The following AMBRA1 variants were observed in gnomAD, a reference collection of about 807,000 sequenced individuals.
AMBRA1 encodes autophagy and beclin 1 regulator 1, also known as activating molecule in BECN1-regulated autophagy protein 1.
A neutral mutation model predicts 125.4 loss-of-function variants in AMBRA1; 47 were observed. That is an observed-to-expected ratio of 0.37 (90% confidence interval 0.30 to 0.48). AMBRA1 has a LOEUF of 0.48. Ranked by LOEUF, AMBRA1 falls within the 20% of genes least tolerant of loss-of-function variation. The pLI is 0.99. For synonymous variants in AMBRA1, 626 were observed against 655.5 expected (o/e 0.95, Z 0.69); for missense variants, 1,331 against 1,693.4 (o/e 0.79, Z 3.76).
At chr11:46,441,127 A>C (rs1301303263) in intron 12 of AMBRA1, among the ~76,000 whole-genome samples, 1 of 152,242 alleles carries the variant, frequency 6.6e-6, no homozygotes, top group Non-Finnish European at 1.5e-5. Flanking sequence ...GGACTAAAAC[A>C]AAGTTCAAAT....
intron 16 of AMBRA1, among the ~76,000 whole-genome samples, chr11:46,409,992 C>G (rs536297660): frequency 6.6e-5 from 10 of 152,310 alleles, no homozygotes; most frequent in African/African-American, 2.4e-4. Context: ...CTTCTCCAGG[C>G]CCTATCTTCT....
chr11:46,568,832 A>C (rs1354823035), intron 1 of AMBRA1, among the ~76,000 whole-genome samples: 1 of 124,166 alleles, frequency 8.1e-6, no homozygotes, highest in Non-Finnish European at 1.6e-5. Context: ...TTTTTGAGAC[A>C]GTCTTGTTCT....
chr11:46,496,199 C>A (rs1162230473), intron 9 of AMBRA1, among the ~76,000 whole-genome samples: 1 of 151,736 alleles, frequency 6.6e-6, no homozygotes, highest in Non-Finnish European at 1.5e-5. Context: ...CGTGGTGAAA[C>A]CCTGTCTCTA....
rs199600009 is a variant in AMBRA1 at position 46,568,183 on chromosome 11, C to T, written c.-120-19683G>A. 4.0e-5 allele frequency among the ~76,000 whole-genome samples: 6 copies of T among 151,654 alleles called. No individual in the cohort carries two copies. The East Asian group carries it at 1.2e-3, about 30-fold the overall frequency. On this transcript the variant is annotated intron_variant, in intron 1 of 17. Coordinates refer to ENST00000683756, the MANE Select transcript of AMBRA1 (RefSeq NM_001387011.1). The stretch of plus-strand genomic sequence containing the variant: ...AATAAAATAAAATCCAGCTGGATGC[C>T]GCAGTGGCACACACCTGTAATCCCA...
At chr11:46,530,492 T>C (rs1190188384) in intron 7 of AMBRA1, 1 of 152,250 alleles carries the variant, frequency 6.6e-6, no homozygotes, top group African/African-American at 2.4e-5. Context: ...TGGAGAACCT[T>C]GCTTCAGGCC....
At chr11:46,534,129 T>C (rs1048740312) in intron 7 of AMBRA1, among the ~76,000 whole-genome samples, 1 of 148,160 alleles carries the variant, frequency 6.7e-6, no homozygotes, top group Admixed American at 6.9e-5. Context: ...CTGTCTGGCA[T>C]ACTAGATATC....
chr11:46,422,534 A>G (rs1280152246), intron 14 of AMBRA1, among the ~76,000 whole-genome samples: 1 of 152,126 alleles, frequency 6.6e-6, no homozygotes, highest in Non-Finnish European at 1.5e-5. Flanking sequence ...TCAGATCAAA[A>G]CTAAAAGTGT....
intron 1 of AMBRA1, among the ~76,000 whole-genome samples, chr11:46,582,634 G>A (rs191510613): frequency 6.6e-6 from 1 of 152,236 alleles, no homozygotes; most frequent in East Asian, 1.9e-4. Context: ...CGCGAATCCT[G>A]GTTCTGCCAT....
chr11:46,523,693 A>T (rs1362496125), intron 7 of AMBRA1, among the ~76,000 whole-genome samples: 1 of 152,224 alleles, frequency 6.6e-6, no homozygotes, highest in African/African-American at 2.4e-5. Flanking sequence ...CTTTACCCAG[A>T]TGCGCTTTAT....
At chr11:46,410,920 G>A (rs1306760196) in intron 15 of AMBRA1, among the ~76,000 whole-genome samples, 1 of 152,158 alleles carries the variant, frequency 6.6e-6, no homozygotes, top group African/African-American at 2.4e-5. Flanking sequence ...GGCCAACATT[G>A]TGAAACCCTG....
At chr11:46,507,478 CAAAAAAA>C (rs778680920) in intron 9 of AMBRA1, among the ~76,000 whole-genome samples, 2 of 91,112 alleles carry the variant, frequency 2.2e-5, no homozygotes, top group African/African-American at 4.4e-5. Context: ...GACTCCGTCT[CAAAAAAA>C]AAAAAAAAAA....
rs144087679 is a variant in AMBRA1, at chr11:46,398,064, C to T, written c.3404-121G>A. 702 of 1,305,342 alleles carry T rather than the reference C, an allele frequency of 5.4e-4. 5 individuals carry two copies. The African/African-American group carries it at 9.4e-3, about 17-fold the overall frequency. 80.9% of individuals were successfully genotyped at this position (1,305,342 alleles called of 1,614,324 possible). On this transcript the variant is annotated intron_variant, in intron 17 of 17. Coordinates refer to ENST00000683756, the MANE Select transcript of AMBRA1 (RefSeq NM_001387011.1). Reference sequence around the variant, plus strand: ...ACTAAACGCAGGATAGAGAAAGACTCGCTCCATCACTGTGAAAACCAATCC... The same window carrying T: ...ACTAAACGCAGGATAGAGAAAGACTTGCTCCATCACTGTGAAAACCAATCC...
At chr11:46,553,162 C>T (rs914532015) in intron 1 of AMBRA1, among the ~76,000 whole-genome samples, 5 of 151,882 alleles carry the variant, frequency 3.3e-5, no homozygotes, top group South Asian at 2.1e-4. Context: ...AGGCTGGTCT[C>T]GAACTCCTGA....
At chr11:46,532,921 C>T (rs1157734853) in intron 7 of AMBRA1, among the ~76,000 whole-genome samples, 1 of 152,140 alleles carries the variant, frequency 6.6e-6, no homozygotes, top group Non-Finnish European at 1.5e-5. Flanking sequence ...CTTCTAAAAA[C>T]ACTTAAGTAC....
chr11:46,565,755 C>T (rs886751516), intron 1 of AMBRA1, among the ~76,000 whole-genome samples: 1 of 151,926 alleles, frequency 6.6e-6, no homozygotes, highest in East Asian at 1.9e-4. Flanking sequence ...TCATAGTAGC[C>T]AAAAAATTTA....
chr11:46,550,039 G>C (rs2042943698), intron 1 of AMBRA1, among the ~76,000 whole-genome samples: 1 of 152,088 alleles, frequency 6.6e-6, no homozygotes, highest in African/African-American at 2.4e-5. Context: ...GGCTGGTCTT[G>C]AACTCCTGAC....
intron 11 of AMBRA1, among the ~76,000 whole-genome samples, chr11:46,490,677 G>C (rs146188250): frequency 5.3e-5 from 8 of 152,226 alleles, no homozygotes; most frequent in Non-Finnish European, 8.8e-5. Context: ...AAATTTCCAA[G>C]CTTCATCCCT....
rs1947236857 is a variant in AMBRA1, at chr11:46,427,998, G to T, written c.2976+5476C>A. The stretch of plus-strand genomic sequence containing the variant: ...CACTCCTGCCTGGGCGACAGAGGGA[G>T]ACTCCATGTCAAAAAAAAAAAAAAA... On this transcript the variant is annotated intron_variant, in intron 14 of 17. Coordinates refer to ENST00000683756, the MANE Select transcript of AMBRA1 (RefSeq NM_001387011.1). Among the ~76,000 whole-genome samples the T allele has an allele frequency of 6.6e-5, 7 of 106,616 alleles. No homozygotes were observed. In the Admixed American group the frequency reaches 7.5e-4, roughly 11 times the overall value. 69.9% of individuals were successfully genotyped at this position (106,616 alleles called of 152,430 possible). A position where few individuals can be genotyped will look rare whatever the true frequency, so the allele number is the denominator to read the frequency against.
chr11:46,425,522 G>C (rs912914031), intron 14 of AMBRA1, among the ~76,000 whole-genome samples: 1 of 152,102 alleles, frequency 6.6e-6, no homozygotes. Context: ...CTAGAACCTG[G>C]AGAAACTCAC....
Sources: gnomAD v4.1 joint callset for allele counts (sites outside exome capture counted in the v4.1 genomes callset) on GRCh38, gnomAD v4.1.1 for gene constraint, MANE v1.5 for transcripts, NCBI Gene and HGNC (gene_info 2026-07-23, HGNC 2026-07-21) for gene names.